GRIK4: variants seen among roughly 807,000 people sequenced by gnomAD.
GRIK4 encodes glutamate ionotropic receptor kainate type subunit 4.
GRIK4 carries 40 observed loss-of-function variants against 104.9 expected under a neutral mutation model. The ratio of observed to expected loss-of-function variants is 0.38; its 90% CI spans 0.30 to 0.50. The LOEUF (loss-of-function observed/expected upper bound fraction) is 0.50. Among genes scored for constraint, GRIK4 ranks in the 20% least tolerant of loss-of-function variants. GRIK4 has a pLI of 0.93. For synonymous variants in GRIK4, 485 were observed against 524.9 expected (o/e 0.92, Z 1.04); for missense variants, 1,047 against 1,308.1 (o/e 0.80, Z 3.08).
At chr11:120,557,597 T>C (rs1167712499) in intron 1 of GRIK4, among the ~76,000 whole-genome samples, 1 of 152,190 alleles carries the variant, frequency 6.6e-6, no homozygotes, top group Non-Finnish European at 1.5e-5. Flanking sequence ...AGTCAGCCCC[T>C]GAAATACCAG....
chr11:120,530,125 G>C (rs1171468051), intron 1 of GRIK4, among the ~76,000 whole-genome samples: 1 of 152,254 alleles, frequency 6.6e-6, no homozygotes, highest in African/African-American at 2.4e-5. Context: ...CCAACCACAA[G>C]GTGCGGGTGT....
At chr11:120,724,820 A>C (rs1951000280) in intron 3 of GRIK4, among the ~76,000 whole-genome samples, 1 of 152,208 alleles carries the variant, frequency 6.6e-6, no homozygotes, top group Non-Finnish European at 1.5e-5. Context: ...AAAATTGTGC[A>C]CCATTTTGGA....
chr11:120,666,299 G>A (rs571719625), intron 3 of GRIK4, among the ~76,000 whole-genome samples: 15 of 152,342 alleles, frequency 9.8e-5, no homozygotes, highest in Admixed American at 6.5e-4. Context: ...TGAGTGGTCA[G>A]GTCAGGAAGA....
chr11:120,808,896 G>A (rs542612519), intron 4 of GRIK4, among the ~76,000 whole-genome samples: 2 of 152,248 alleles, frequency 1.3e-5, no homozygotes, highest in South Asian at 2.1e-4. Flanking sequence ...GCACATCTCT[G>A]TGAGCCCCGT....
intron 1 of GRIK4, among the ~76,000 whole-genome samples, chr11:120,599,176 A>T (rs1948846984): frequency 6.6e-6 from 1 of 152,204 alleles, no homozygotes; most frequent in Non-Finnish European, 1.5e-5. Flanking sequence ...TGTTTGTTTG[A>T]TGCGTGTGTT....
chr11:120,861,093 C>CTTT (rs547199127), intron 8 of GRIK4, among the ~76,000 whole-genome samples: 1,505 of 86,390 alleles, frequency 0.017, 107 homozygotes, highest in Non-Finnish European at 0.024. Context: ...AAATCATCCT[C>CTTT]TTTTTTTTTT....
chr11:120,611,979 A>C (rs1949043837), intron 1 of GRIK4, among the ~76,000 whole-genome samples: 1 of 152,106 alleles, frequency 6.6e-6, no homozygotes, highest in South Asian at 2.1e-4. Flanking sequence ...TAGGGATAGA[A>C]AGTTGGTGAC....
chr11:120,691,058 T>C (rs1950352238), intron 3 of GRIK4, among the ~76,000 whole-genome samples: 1 of 152,188 alleles, frequency 6.6e-6, no homozygotes, highest in South Asian at 2.1e-4. Flanking sequence ...CAAAATTCCA[T>C]AATGTGTTTC....
At chr11:120,755,993 G>T (rs1195335735) in intron 3 of GRIK4, among the ~76,000 whole-genome samples, 1 of 152,192 alleles carries the variant, frequency 6.6e-6, no homozygotes, top group Non-Finnish European at 1.5e-5. Flanking sequence ...GAGGTGTTCT[G>T]TCTCCAGCAT....
chr11:120,660,308 A>C lies in GRIK4; in HGVS notation c.-11A>C. The C allele has an allele frequency of 3.8e-6, 6 of 1,599,666 alleles. No homozygotes were observed. The highest frequency in any genetic ancestry group is 4.3e-6 in the Non-Finnish European group (5 of 1,167,708). On this transcript the variant is annotated 5_prime_UTR_variant, in exon 3 of 21. Transcript: ENST00000527524. ...CAGGCCAGCAGGGGGCTCCATGAGG[A>C]TTCATAGAAGATGCCCCGCGTCTCG...
intron 1 of GRIK4, among the ~76,000 whole-genome samples, chr11:120,590,562 T>G (rs2135111725): frequency 6.6e-6 from 1 of 152,338 alleles, no homozygotes; most frequent in South Asian, 2.1e-4. Flanking sequence ...GTGCCTGGAA[T>G]GTAATTGGCA....
intron 3 of GRIK4, among the ~76,000 whole-genome samples, chr11:120,788,817 C>G (rs1408790472): frequency 6.6e-6 from 1 of 151,704 alleles, no homozygotes; most frequent in Admixed American, 6.6e-5. Context: ...TGCCCCCTCC[C>G]TTCCCAGACC....
intron 3 of GRIK4, among the ~76,000 whole-genome samples, chr11:120,786,216 C>G (rs1029469985): frequency 6.6e-6 from 1 of 152,202 alleles, no homozygotes; most frequent in African/African-American, 2.4e-5. Flanking sequence ...TTCTCTCCCA[C>G]TCCATGTCAC....
chr11:120,853,389 C>T (rs760568564), intron 8 of GRIK4, among the ~76,000 whole-genome samples: 4 of 152,182 alleles, frequency 2.6e-5, no homozygotes, highest in East Asian at 1.9e-4. Context: ...TGGAGAAGTG[C>T]AAGACTAAAG....
chr11:120,600,081 G>T (rs1948864089), intron 1 of GRIK4, among the ~76,000 whole-genome samples: 1 of 152,222 alleles, frequency 6.6e-6, no homozygotes, highest in Non-Finnish European at 1.5e-5. Flanking sequence ...AAGCCCTTGG[G>T]TGGAAGGTTC....
At chr11:120,584,502 T>TAGAGAC (rs1405444467) in intron 1 of GRIK4, among the ~76,000 whole-genome samples, 5 of 152,070 alleles carry the variant, frequency 3.3e-5, no homozygotes, top group Admixed American at 6.5e-5. Flanking sequence ...GTGAGTGAGA[T>TAGAGAC]AGAGACAGAG....
chr11:120,594,358 T>G (rs984516734), intron 1 of GRIK4, among the ~76,000 whole-genome samples: 1 of 152,134 alleles, frequency 6.6e-6, no homozygotes. Flanking sequence ...TTACCTGTTG[T>G]CCCAGCTACT....
In GRIK4 at chr11:120,952,172, A is replaced by G. The variant is rs1399204133; in HGVS notation, c.1591-683A>G. On this transcript the variant is annotated intron_variant, in intron 14 of 20. Transcript: ENST00000527524. The surrounding 1 kb of genome is among the most constrained non-coding windows in gnomAD (Gnocchi z 5.2). The stretch of plus-strand genomic sequence containing the variant: ...GGCCAGACTCATCCCTGGCCTTGCA[A>G]CGTGTTTTCCCACGGTGCAGTGGAG... 6.6e-6 allele frequency among the ~76,000 whole-genome samples: 1 copy of G among 152,148 alleles called. No individual in the cohort carries two copies. Among genetic ancestry groups the G allele is most frequent in the Non-Finnish European group, 1.5e-5 (1 of 68,030 alleles).
chr11:120,673,152 G>C (rs1005894766), intron 3 of GRIK4, among the ~76,000 whole-genome samples: 2 of 152,084 alleles, frequency 1.3e-5, no homozygotes, highest in Admixed American at 6.6e-5. Context: ...CTGACATATG[G>C]GTCCTATTGT....
Sources: gnomAD v4.1 joint callset for allele counts (sites outside exome capture counted in the v4.1 genomes callset) on GRCh38, gnomAD v4.1.1 for gene constraint, Gnocchi (gnomAD v3.1) non-coding constraint, MANE v1.5 for transcripts, NCBI Gene and HGNC (gene_info 2026-07-23, HGNC 2026-07-21) for gene names.